ZNF638: variants seen among roughly 807,000 people sequenced by gnomAD.
ZNF638 encodes zinc finger protein 638.
In ZNF638, 46 loss-of-function variants were observed where a neutral mutation model predicts 195.6. The ratio of observed to expected loss-of-function variants is 0.24; its 90% CI spans 0.19 to 0.30. The LOEUF (loss-of-function observed/expected upper bound fraction) is 0.30, where lower values mean the gene tolerates loss of function less well. Among genes scored for constraint, ZNF638 ranks in the 10% least tolerant of loss-of-function variants. The probability of loss-of-function intolerance (pLI) is 1.00; values close to 1 mark genes in which losing one functional copy is unlikely to be tolerated. For synonymous variants in ZNF638, 845 were observed against 772.0 expected, an observed-to-expected ratio of 1.09 and a Z score of -1.57; for missense variants, 2,440 against 2,325.3, an observed-to-expected ratio of 1.05 and a Z score of -1.01.
intron 16 of ZNF638, 157 bp from the exon 17 acceptor site, chr2:71,403,713 C>A: frequency 2.2e-6 from 1 of 457,050 alleles, no homozygotes; most frequent in Non-Finnish European, 3.8e-6. Flanking sequence ...GTCTTTGGGC[C>A]TCAATTTTCT....
chr2:71,432,217 T>C (rs1204406647), intron 26 of ZNF638, among the ~76,000 whole-genome samples: 1 of 152,210 alleles, frequency 6.6e-6, no homozygotes, highest in Non-Finnish European at 1.5e-5. Context: ...ATATTTTATT[T>C]TGAGACAGGG....
At chr2:71,379,077 G>A (rs546440059) in intron 8 of ZNF638, among the ~76,000 whole-genome samples, 2 of 152,286 alleles carry the variant, frequency 1.3e-5, no homozygotes, top group South Asian at 4.1e-4. Flanking sequence ...TAGAGAGTGA[G>A]TGAATGGCAA....
At chr2:71,388,844 G>A in intron 10 of ZNF638, 3 of 676,420 alleles carry the variant, frequency 4.4e-6, no homozygotes, top group Non-Finnish European at 5.3e-6. Flanking sequence ...TGAAACAACT[G>A]CTTAAAGCTA....
intron 8 of ZNF638, among the ~76,000 whole-genome samples, chr2:71,377,551 G>C (rs1343107467): frequency 1.3e-5 from 2 of 152,150 alleles, no homozygotes; most frequent in Non-Finnish European, 2.9e-5. Flanking sequence ...ATTTGGATGA[G>C]AGGTTTTCAT....
intron 2 of ZNF638, among the ~76,000 whole-genome samples, chr2:71,350,908 AAAATAAAG>A (rs2078928957): frequency 6.6e-6 from 1 of 152,232 alleles, no homozygotes; most frequent in Non-Finnish European, 1.5e-5. Context: ...AAATCTTTAA[AAAATAAAG>A]ATGATTTAGG....
chr2:71,337,009 GCTGA>G (rs760628085), intron 1 of ZNF638, among the ~76,000 whole-genome samples: 138 of 152,282 alleles, frequency 9.1e-4, no homozygotes, highest in African/African-American at 1.7e-3. Context: ...TGCATAATAG[GCTGA>G]CTAACAGTCA....
chr2:71,429,410 C>T (rs914161751), intron 25 of ZNF638, among the ~76,000 whole-genome samples: 5 of 152,142 alleles, frequency 3.3e-5, no homozygotes, highest in African/African-American at 1.2e-4. Context: ...GTAAAATTAG[C>T]TTTCCCCCCC....
intron 8 of ZNF638, among the ~76,000 whole-genome samples, chr2:71,372,828 A>C (rs1478222770): frequency 6.6e-6 from 1 of 152,236 alleles, no homozygotes; most frequent in Non-Finnish European, 1.5e-5. Context: ...TTGATTTGGT[A>C]GTCTAACCAT....
At chr2:71,336,057 T>A (rs1230473979) in intron 1 of ZNF638, among the ~76,000 whole-genome samples, 1 of 152,210 alleles carries the variant, frequency 6.6e-6, no homozygotes, top group Non-Finnish European at 1.5e-5. Context: ...AATTCATGAA[T>A]TTTGATGTGA....
At chr2:71,370,070 T>A (rs773436901) in intron 8 of ZNF638, 65 bp downstream of exon 8, 14 of 1,520,158 alleles carry the variant, frequency 9.2e-6, no homozygotes, top group Non-Finnish European at 1.2e-5. Context: ...TTTGTTTAAG[T>A]ATGGCACACA....
Position 71,408,381 on chromosome 2 carries a change from A to G in ZNF638, c.3261+134A>G, listed in dbSNP as rs895714936. On this transcript the variant is annotated intron_variant, in intron 20 of 27. Transcript: ENST00000264447. ...AATTTGTGTTGCAATCAGTGTTCCAATTTTCATAGTTTATAAAGCAGTATA... is the reference window on the plus strand; with the variant it reads ...AATTTGTGTTGCAATCAGTGTTCCAGTTTTCATAGTTTATAAAGCAGTATA... The G allele has an allele frequency of 3.6e-6, 4 of 1,122,498 alleles. No individual in the cohort carries two copies. In the African/African-American group the frequency reaches 4.8e-5, roughly 13 times the overall value. The allele number at this position is 1,122,498 out of a possible 1,614,324, so 69.5% of individuals were successfully genotyped here. A position where few individuals can be genotyped will look rare whatever the true frequency, so the allele number is the denominator to read the frequency against.
At chr2:71,431,195 C>A in intron 25 of ZNF638, 132 bp from the exon 26 acceptor site, 2 of 663,396 alleles carry the variant, frequency 3.0e-6, no homozygotes, top group Non-Finnish European at 5.2e-6. Flanking sequence ...GAATATTGTG[C>A]AAAGAATGGC....
At chr2:71,393,609 C>G in intron 10 of ZNF638, 2 of 718,118 alleles carry the variant, frequency 2.8e-6, no homozygotes, top group Non-Finnish European at 5.2e-6. Flanking sequence ...AGAAACCATT[C>G]ACTCCAGATA....
intron 8 of ZNF638, chr2:71,379,390 G>A (rs2079493522): frequency 6.6e-6 from 1 of 152,186 alleles, no homozygotes; most frequent in Admixed American, 6.5e-5. Context: ...CCAGCCCACT[G>A]GGGCTGTGAG....
rs866236977 is a variant in ZNF638 at position 71,363,986 on chromosome 2, C to T, written c.1451C>T (p.Pro484Leu). Residue 484 changes from proline (P) to leucine (L), a missense_variant, in exon 5 of 28, where the codon CCA becomes CTA. Physicochemically the swap from Pro to Leu is moderately conservative, Grantham distance 98. Around this residue, in one of 5 missense-constraint regions of ZNF638, gnomAD observed 1,883 missense variants for 1,739.1 expected, o/e 1.08. Transcript: ENST00000264447. ...NEGNRKENET[P>L]RRRSHSPSPR... is the part of the protein sequence containing the mutation. ...GGCAATAGAAAAGAAAATGAAACTCCACGAAGACGTTCTCATTCCCCCAGT... is the reference window on the plus strand; with the variant it reads ...GGCAATAGAAAAGAAAATGAAACTCTACGAAGACGTTCTCATTCCCCCAGT... 6.2e-7 allele frequency: 1 copy of T among 1,613,910 alleles called. No individual in the cohort carries two copies. The highest frequency in any genetic ancestry group is 8.5e-7 in the Non-Finnish European group (1 of 1,179,884).
Position 71,375,554 on chromosome 2 carries a change from G to A in ZNF638, c.2266-4668G>A, listed in dbSNP as rs554083767. 4 of 152,130 alleles carry A rather than the reference G, an allele frequency of 2.6e-5. No homozygotes were observed. In the East Asian group the frequency reaches 5.8e-4, roughly 22 times the overall value. The allele number at this position is 152,130 out of a possible 1,614,324, so 9.4% of individuals were successfully genotyped here. A position where few individuals can be genotyped will look rare whatever the true frequency, so the allele number is the denominator to read the frequency against. On this transcript the variant is annotated intron_variant, in intron 8 of 27. Coordinates refer to ENST00000264447, the MANE Select transcript of ZNF638 (RefSeq NM_014497.5). ...TCCCCAGCAGCATTTGCCTGCATTT[G>A]ATTTACCAGAACTACCAGACACATG...
intron 27 of ZNF638, 52 bp from the exon 28 acceptor site, chr2:71,434,690 A>G (rs2080731919): frequency 2.7e-6 from 4 of 1,497,674 alleles, no homozygotes; most frequent in Non-Finnish European, 3.7e-6. Flanking sequence ...GTTTGCACAC[A>G]TAGCAAAATA....
intron 10 of ZNF638, chr2:71,393,277 C>T: frequency 1.6e-6 from 1 of 615,222 alleles, no homozygotes; most frequent in Non-Finnish European, 3.0e-6. Context: ...TTGCTAAAAC[C>T]TCTCAAGACA....
At chr2:71,334,025 C>T (rs112549160) in intron 1 of ZNF638, among the ~76,000 whole-genome samples, 71 of 152,318 alleles carry the variant, frequency 4.7e-4, no homozygotes, top group African/African-American at 1.7e-3. Context: ...TCTAATCTAA[C>T]TTTCATTAAA....
Sources: allele counts gnomAD v4.1 joint callset (sites outside exome capture counted in the v4.1 genomes callset), GRCh38; gene constraint gnomAD v4.1.1; regional missense constraint gnomAD v4.1.1; transcripts MANE v1.5; gene names NCBI Gene and HGNC (gene_info 2026-07-23, HGNC 2026-07-21).